PDE1A: variants seen among roughly 807,000 people sequenced by gnomAD.
PDE1A encodes the protein phosphodiesterase 1A, also known as dual specificity calcium/calmodulin-dependent 3',5'-cyclic nucleotide phosphodiesterase 1A.
In PDE1A, 35 loss-of-function variants were observed where a neutral mutation model predicts 61.7. The observed-to-expected ratio is 0.57, with a 90% CI of 0.43 to 0.75. The LOEUF (loss-of-function observed/expected upper bound fraction) is 0.75, where lower values mean the gene tolerates loss of function less well. PDE1A is among the 30% of genes least tolerant of loss of function. The probability of loss-of-function intolerance (pLI) is 0.00; values close to 1 mark genes in which losing one functional copy is unlikely to be tolerated. For missense variants in PDE1A, 597 were observed against 630.6 expected (o/e 0.95, Z 0.57); for synonymous variants, 232 against 213.2 (o/e 1.09, Z -0.77).
the PDE1A span, among the ~76,000 whole-genome samples, chr2:182,607,180 A>G: frequency 6.6e-6 from 1 of 152,176 alleles, no homozygotes; most frequent in African/African-American, 2.4e-5. Flanking sequence ...TGATCTGGTA[A>G]GTTTCAGTTC....
At chr2:182,221,531 C>A in intron 7 of PDE1A, among the ~76,000 whole-genome samples, 1 of 152,038 alleles carries the variant, frequency 6.6e-6, no homozygotes, top group Non-Finnish European at 1.5e-5. Flanking sequence ...AACATTCCTG[C>A]TACATAACCA....
At chr2:182,703,875 G>A in the PDE1A span, among the ~76,000 whole-genome samples, 1 of 152,048 alleles carries the variant, frequency 6.6e-6, no homozygotes, top group African/African-American at 2.4e-5. Flanking sequence ...CATGGTTACA[G>A]GAATGTGAAA....
intron 2 of PDE1A, among the ~76,000 whole-genome samples, chr2:182,246,158 C>T (rs1297724334): frequency 6.6e-6 from 1 of 152,152 alleles, no homozygotes. Flanking sequence ...TAACCAGTTC[C>T]CCTTTATTCA....
chr2:182,605,819 C>T, the PDE1A span, among the ~76,000 whole-genome samples: 20 of 152,254 alleles, frequency 1.3e-4, no homozygotes, highest in African/African-American at 4.8e-4. Context: ...GGAGTAGCTT[C>T]GAACTAAATG....
chr2:182,455,699 T>G lies in PDE1A; in HGVS notation c.101+66577A>C, dbSNP rs1574702064. On this transcript the variant is annotated intron_variant, in intron 2 of 14. Transcript: ENST00000410103. Reference sequence around the variant, plus strand: ...GCATGTTCTCACTCATAGGTGGGAATTGAACAATGAGAATCCATGGACACA... The same window carrying G: ...GCATGTTCTCACTCATAGGTGGGAAGTGAACAATGAGAATCCATGGACACA... Among the ~76,000 whole-genome samples, 4 of 152,104 alleles carry G rather than the reference T, an allele frequency of 2.6e-5. 1 individual carries two copies. Among genetic ancestry groups the G allele is most frequent in the Admixed American group, 2.6e-4 (4 of 15,282 alleles).
At chr2:182,532,945 CAAA>C in the PDE1A span, among the ~76,000 whole-genome samples, 206 of 21,106 alleles carry the variant, frequency 9.8e-3, no homozygotes, top group African/African-American at 0.038. Context: ...GACTCCGTCT[CAAA>C]AAAAAAAAAA....
At chr2:182,554,062 T>C in the PDE1A span, among the ~76,000 whole-genome samples, 1,645 of 152,040 alleles carry the variant, frequency 0.011, 20 homozygotes, top group Middle Eastern at 0.034. Context: ...TAGTGGAGAG[T>C]TGATTACAAG....
intron 13 of PDE1A, among the ~76,000 whole-genome samples, chr2:182,174,868 A>G (rs2125340227): frequency 6.6e-6 from 1 of 152,072 alleles, no homozygotes; most frequent in Admixed American, 6.6e-5. Flanking sequence ...TACATTAGAT[A>G]TTTCTCCTAA....
the PDE1A span, among the ~76,000 whole-genome samples, chr2:182,601,215 G>GCAT: frequency 6.6e-6 from 1 of 152,224 alleles, no homozygotes; most frequent in Non-Finnish European, 1.5e-5. Flanking sequence ...AGTGAGTGTA[G>GCAT]GGTCCGGCCA....
intron 1 of PDE1A, among the ~76,000 whole-genome samples, chr2:182,394,532 G>A (rs751270120): frequency 6.7e-6 from 1 of 150,170 alleles, no homozygotes; most frequent in Non-Finnish European, 1.5e-5. Context: ...GGGGAAAGGG[G>A]AATGACCAGA....
At chr2:182,530,113 T>A in the PDE1A span, among the ~76,000 whole-genome samples, 7 of 152,180 alleles carry the variant, frequency 4.6e-5, no homozygotes, top group Admixed American at 3.9e-4. Flanking sequence ...TAAAAAGAAA[T>A]TCAGGCTTCT....
intron 1 of PDE1A, among the ~76,000 whole-genome samples, chr2:182,400,818 C>T (rs1309879276): frequency 6.6e-6 from 1 of 152,142 alleles, no homozygotes; most frequent in East Asian, 1.9e-4. Context: ...ATCTTGATTT[C>T]CTGCTCTAAA....
chr2:182,499,310 G>A (rs1202864249), intron 2 of PDE1A, among the ~76,000 whole-genome samples: 1 of 151,542 alleles, frequency 6.6e-6, no homozygotes, highest in African/African-American at 2.4e-5. Flanking sequence ...CCAAGTAGCT[G>A]GGACTACAGG....
the PDE1A span, among the ~76,000 whole-genome samples, chr2:182,531,773 CAT>C: frequency 3.9e-5 from 6 of 152,198 alleles, no homozygotes; most frequent in South Asian, 1.2e-3. Flanking sequence ...CATAGGTAAA[CAT>C]GTGCCATATT....
intron 3 of PDE1A, among the ~76,000 whole-genome samples, chr2:182,236,668 G>A (rs1690046124): frequency 6.6e-6 from 1 of 152,114 alleles, no homozygotes; most frequent in Non-Finnish European, 1.5e-5. Context: ...CTCAGTACAA[G>A]TAAGCCATCA....
intron 2 of PDE1A, among the ~76,000 whole-genome samples, chr2:182,488,676 A>G (rs985799252): frequency 7.2e-5 from 11 of 152,262 alleles, no homozygotes; most frequent in Admixed American, 6.5e-5. Flanking sequence ...AAGGAAGAAT[A>G]TATAAGGAAT....
chr2:182,689,812 A>T, the PDE1A span, among the ~76,000 whole-genome samples: 1 of 152,224 alleles, frequency 6.6e-6, no homozygotes, highest in Non-Finnish European at 1.5e-5. Context: ...AGAGCAAAAA[A>T]TCAAATAGAT....
chr2:182,631,307 TATTC>T, the PDE1A span, among the ~76,000 whole-genome samples: 19 of 151,222 alleles, frequency 1.3e-4, no homozygotes, highest in South Asian at 1.7e-3. Flanking sequence ...TTAATTAATT[TATTC>T]ATTTATTATT....
intron 1 of PDE1A, among the ~76,000 whole-genome samples, chr2:182,421,643 A>G (rs140133361): frequency 0.013 from 1,947 of 152,298 alleles, 27 homozygotes; most frequent in South Asian, 0.048. Context: ...ATTAAAATGT[A>G]TAACAAATCA....
Sources: gnomAD v4.1 joint callset for allele counts (sites outside exome capture counted in the v4.1 genomes callset) on GRCh38, gnomAD v4.1.1 for gene constraint, MANE v1.5 for transcripts, NCBI Gene and HGNC (gene_info 2026-07-23, HGNC 2026-07-21) for gene names.